TEK: variants seen among roughly 807,000 people sequenced by gnomAD.
TEK encodes the protein angiopoietin-1 receptor.
A neutral mutation model predicts 131.8 loss-of-function variants in TEK; 43 were observed. The observed-to-expected ratio is 0.33, with a 90% CI of 0.26 to 0.42. The LOEUF is 0.42. Among genes scored for constraint, TEK ranks in the 10% least tolerant of loss-of-function variants. The pLI, the probability that TEK is intolerant of heterozygous loss-of-function variation, is 1.00. For synonymous variants in TEK, 580 were observed against 491.6 expected (o/e 1.18, Z -2.38); for missense variants, 1,162 against 1,384.4 (o/e 0.84, Z 2.55).
chr9:27,133,548 C>T (rs1212752364), intron 1 of TEK, among the ~76,000 whole-genome samples: 1 of 152,200 alleles, frequency 6.6e-6, no homozygotes, highest in African/African-American at 2.4e-5. Context: ...AGCCAGTGTC[C>T]TCCACTTATT....
intron 14 of TEK, among the ~76,000 whole-genome samples, chr9:27,205,963 T>G (rs1462605448): frequency 2.8e-5 from 3 of 108,952 alleles, no homozygotes; most frequent in African/African-American, 8.9e-5. Context: ...GCAAGGGGGT[T>G]GGGAGTGCTG....
At chr9:27,131,341 G>C (rs979902559) in intron 1 of TEK, among the ~76,000 whole-genome samples, 4 of 151,810 alleles carry the variant, frequency 2.6e-5, no homozygotes, top group Admixed American at 6.6e-5. Flanking sequence ...ACAAAAATCA[G>C]GTGGGTGTGG....
intron 4 of TEK, among the ~76,000 whole-genome samples, chr9:27,172,153 T>C (rs1346142132): frequency 6.6e-6 from 1 of 151,982 alleles, no homozygotes. Context: ...ATCTGGGGTT[T>C]GCATTTCTAA....
Position 27,131,645 on chromosome 9 carries a change from T to TA in TEK, c.52+22019dup, listed in dbSNP as rs756421404. ...GGTAACATAAGGAGACCCCGTCTCTTAAAAAAAAAAAAAAAATTAGCCAGG... is the reference window on the plus strand; with the variant it reads ...GGTAACATAAGGAGACCCCGTCTCTTAAAAAAAAAAAAAAAAATTAGCCAGG... On this transcript the variant is annotated intron_variant, in intron 1 of 22. Transcript: ENST00000380036. Among the ~76,000 whole-genome samples the TA allele has an allele frequency of 2.3e-3, 322 of 138,162 alleles. 2 individuals carry two copies. The highest frequency in any genetic ancestry group is 3.0e-3 in the South Asian group (13 of 4,272). The allele number at this position is 138,162 out of a possible 152,430, so 90.6% of individuals were successfully genotyped here. A position where few individuals can be genotyped will look rare whatever the true frequency, so the allele number is the denominator to read the frequency against.
At chr9:27,156,911 T>C (rs1332703104) in intron 1 of TEK, among the ~76,000 whole-genome samples, 1 of 151,420 alleles carries the variant, frequency 6.6e-6, no homozygotes, top group Non-Finnish European at 1.5e-5. Flanking sequence ...CCCTGATATT[T>C]CCACATTTAA....
At chr9:27,135,184 A>G (rs1376358179) in intron 1 of TEK, among the ~76,000 whole-genome samples, 2 of 150,304 alleles carry the variant, frequency 1.3e-5, no homozygotes, top group Non-Finnish European at 2.9e-5. Context: ...AGATCGTGCC[A>G]CTGCACTCCA....
chr9:27,118,802 A>T (rs913661782), intron 1 of TEK, among the ~76,000 whole-genome samples: 3 of 152,064 alleles, frequency 2.0e-5, no homozygotes, highest in Non-Finnish European at 4.4e-5. Flanking sequence ...CAAACAGAAG[A>T]TGCACAACCC....
At chr9:27,215,215 C>T (rs534581145) in intron 18 of TEK, among the ~76,000 whole-genome samples, 6 of 152,206 alleles carry the variant, frequency 3.9e-5, no homozygotes, top group African/African-American at 1.4e-4. Flanking sequence ...GGGTTATTTA[C>T]AGGGGGAGAG....
chr9:27,185,710 G>A, intron 9 of TEK, 81 bp downstream of exon 9: 1 of 1,565,638 alleles, frequency 6.4e-7, no homozygotes. Flanking sequence ...AGAAATGTAT[G>A]CGACCACTAA....
intron 21 of TEK, 78 bp downstream of exon 21, chr9:27,220,223 A>G: frequency 7.2e-7 from 1 of 1,396,844 alleles, no homozygotes. Context: ...ACTCTAGCAA[A>G]GTCAGCCGGT....
At chr9:27,227,830 C>G (rs1826398265) in intron 21 of TEK, among the ~76,000 whole-genome samples, 1 of 152,202 alleles carries the variant, frequency 6.6e-6, no homozygotes, top group Admixed American at 6.5e-5. Flanking sequence ...AGTCCTGCCT[C>G]TTAAAGGGAC....
intron 1 of TEK, among the ~76,000 whole-genome samples, chr9:27,135,767 CAGAGCAG>C (rs58552653): frequency 0.52 from 78,475 of 151,440 alleles, 21,276 homozygotes; most frequent in African/African-American, 0.57. Flanking sequence ...TGGTCTATCT[CAGAGCAG>C]ACCTTAATCT....
chr9:27,144,280 C>CAA (rs918179680), intron 1 of TEK, among the ~76,000 whole-genome samples: 1 of 143,498 alleles, frequency 7.0e-6, no homozygotes, highest in African/African-American at 2.6e-5. Context: ...GACTCCGTCT[C>CAA]AAAAAAAAAA....
chr9:27,227,298 G>C (rs1315731984), intron 21 of TEK, among the ~76,000 whole-genome samples: 1 of 152,184 alleles, frequency 6.6e-6, no homozygotes, highest in African/African-American at 2.4e-5. Context: ...AACTGAGTAA[G>C]CACTGTCTTA....
At chr9:27,227,487 T>C (rs887131545) in intron 21 of TEK, among the ~76,000 whole-genome samples, 2 of 152,220 alleles carry the variant, frequency 1.3e-5, no homozygotes, top group Non-Finnish European at 2.9e-5. Flanking sequence ...ACAACAGAGA[T>C]GTATTTCTCA....
rs768209145 is a variant in TEK at position 27,192,623 on chromosome 9, G to C, written c.1624G>C (p.Gly542Arg). The C allele has an allele frequency of 1.2e-6, 2 of 1,612,548 alleles. No individual in the cohort carries two copies. Among genetic ancestry groups the C allele is most frequent in the East Asian group, 2.2e-5 (1 of 44,786 alleles). The change falls in exon 11 of 23, where the codon GGA becomes CGA. Residue 542 changes from glycine to arginine, a missense_variant and splice_region_variant. Transcript: ENST00000380036. ...GAGACGCTTCACAACAGCTTCTATC[G>C]GTCAGTGGAAGCCAACAGGCATTTA... The part of the protein sequence containing the change: ...PVRRFTTASI[G>R]LPPPRGLNLL...
At chr9:27,176,656 A>G (rs1824182973) in intron 6 of TEK, among the ~76,000 whole-genome samples, 1 of 152,260 alleles carries the variant, frequency 6.6e-6, no homozygotes. Context: ...GCTAATTAAC[A>G]TATCCATCAC....
rs545630829 is a variant in TEK, at chr9:27,150,733, A to C, written c.53-7098A>C. Among the ~76,000 whole-genome samples the C allele has an allele frequency of 2.4e-3, 363 of 152,344 alleles. 1 individual carries two copies. The highest frequency in any genetic ancestry group is 4.1e-3 in the Non-Finnish European group (281 of 68,034). ...CACTGCCTCACAGAATGGAGTTTGCATATAAATGAATGTTCAGTAAAGTCT... is the reference window on the plus strand; with the variant it reads ...CACTGCCTCACAGAATGGAGTTTGCCTATAAATGAATGTTCAGTAAAGTCT... On this transcript the variant is annotated intron_variant, in intron 1 of 22. Coordinates refer to ENST00000380036, the MANE Select transcript of TEK (RefSeq NM_000459.5).
chr9:27,195,209 A>G (rs1362934188), intron 11 of TEK, among the ~76,000 whole-genome samples: 1 of 152,178 alleles, frequency 6.6e-6, no homozygotes, highest in East Asian at 1.9e-4. Context: ...CATAATGCCA[A>G]GAAAATGCAT....
Sources: allele counts gnomAD v4.1 joint callset (sites outside exome capture counted in the v4.1 genomes callset), GRCh38; gene constraint gnomAD v4.1.1; transcripts MANE v1.5; gene names NCBI Gene and HGNC (gene_info 2026-07-23, HGNC 2026-07-21).